The following NCKAP1 variants were observed in gnomAD, a reference collection of about 807,000 sequenced individuals.
NCKAP1 encodes nck-associated protein 1.
A neutral mutation model predicts 151.2 loss-of-function variants in NCKAP1; 21 were observed. That is an observed-to-expected ratio of 0.14 (90% CI 0.10 to 0.20). The LOEUF is 0.20. Ranked by LOEUF, NCKAP1 falls within the 10% of genes least tolerant of loss-of-function variation. The pLI, the probability that NCKAP1 is intolerant of heterozygous loss-of-function variation, is 1.00. For missense variants in NCKAP1, 933 were observed against 1,352.1 expected (o/e 0.69, Z 4.86); for synonymous variants, 484 against 451.8 (o/e 1.07, Z -0.90).
intron 6 of NCKAP1, among the ~76,000 whole-genome samples, chr2:182,998,815 T>G: frequency 9.2e-6 from 1 of 108,990 alleles, no homozygotes. Context: ...CCAGCCTGGG[T>G]GACAGAGTAA....
chr2:182,928,146 T>C lies in NCKAP1; in HGVS notation c.3151A>G (p.Ile1051Val). The C allele has an allele frequency of 6.2e-7, 1 of 1,611,468 alleles. No individual in the cohort carries two copies. The highest frequency in any genetic ancestry group is 8.5e-7 in the Non-Finnish European group (1 of 1,177,966). The change falls in exon 29 of 31, where the codon ATT (isoleucine) becomes GTT (valine). Residue 1051 changes from isoleucine to valine, a missense_variant. Ile to Val is a conservative substitution (Grantham distance 29). This residue lies in a region of NCKAP1 where 326 missense variants were observed against 557.1 expected (regional missense o/e 0.59). Transcript: ENST00000361354. ...AGAAATTCTTTAAGACGGTCTTCAA[T>C]GCTTCCTTTGTGAATTGTAAACAAA... The part of the protein sequence containing the change: ...AALFTIHKGS[I>V]EDRLKEFLAL...
intron 15 of NCKAP1, among the ~76,000 whole-genome samples, chr2:182,974,726 A>G (rs754953419): frequency 3.9e-5 from 6 of 152,144 alleles, no homozygotes; most frequent in Non-Finnish European, 8.8e-5. Flanking sequence ...CAGCCTTCAG[A>G]ACTATGAAAT....
intron 23 of NCKAP1, among the ~76,000 whole-genome samples, chr2:182,949,226 C>G (rs1229480644): frequency 1.3e-5 from 2 of 152,156 alleles, no homozygotes; most frequent in African/African-American, 4.8e-5. Flanking sequence ...AAAAATGCAA[C>G]ATGTGCTCCT....
chr2:183,022,422 T>C (rs1333186346), intron 2 of NCKAP1, among the ~76,000 whole-genome samples: 2 of 152,184 alleles, frequency 1.3e-5, no homozygotes, highest in African/African-American at 4.8e-5. Flanking sequence ...TGTTAAGAAG[T>C]GCAAGTTTTG....
intron 17 of NCKAP1, among the ~76,000 whole-genome samples, chr2:182,962,823 G>GAA (rs75963920): frequency 1.5e-4 from 18 of 119,606 alleles, no homozygotes; most frequent in East Asian, 5.2e-4. Flanking sequence ...CTCCCAGGAA[G>GAA]AAAAAAAAAA....
rs1266408530 is a variant in NCKAP1 at position 182,921,214 on chromosome 2, T to C, written c.*4488A>G. 6.6e-6 allele frequency: 1 copy of C among 152,254 alleles called. No individual in the cohort carries two copies. Among genetic ancestry groups the C allele is most frequent in the Non-Finnish European group, 1.5e-5 (1 of 68,042 alleles). 9.4% of individuals were successfully genotyped at this position (152,254 alleles called of 1,614,324 possible). On this transcript the variant is annotated 3_prime_UTR_variant, in exon 31 of 31. Coordinates refer to ENST00000361354, the MANE Select transcript of NCKAP1 (RefSeq NM_013436.5). ...GCACCTGATACTGCTGAGAAATTAA[T>C]GACTCTGCACTGCATTAAATTTAAA...
At chr2:182,935,529 G>T in intron 24 of NCKAP1, 154 bp from the exon 25 acceptor site, 1 of 505,936 alleles carries the variant, frequency 2.0e-6, no homozygotes. Flanking sequence ...TGATTAAAGA[G>T]AGAAAGATGT....
In NCKAP1 at chr2:182,952,608, C is replaced by A. The variant is rs566127732; in HGVS notation, c.2504-106G>T. On this transcript the variant is annotated intron_variant, in intron 22 of 30. Coordinates refer to ENST00000361354, the MANE Select transcript of NCKAP1 (RefSeq NM_013436.5). ...TCATTATAAAAACTAATGTAAAATC[C>A]TGATAAAAGTCTCTAGAGTGAAAGA... 5.1e-4 allele frequency: 570 copies of A among 1,115,084 alleles called. No homozygotes were observed. Among genetic ancestry groups the A allele is most frequent in the Admixed American group, 8.6e-4 (31 of 36,208 alleles). 69.1% of individuals were successfully genotyped at this position (1,115,084 alleles called of 1,614,324 possible). A position where few individuals can be genotyped will look rare whatever the true frequency, so the allele number is the denominator to read the frequency against.
At chr2:182,948,697 A>T (rs918819006) in intron 23 of NCKAP1, among the ~76,000 whole-genome samples, 1 of 152,206 alleles carries the variant, frequency 6.6e-6, no homozygotes, top group African/African-American at 2.4e-5. Flanking sequence ...AGGTCTAAAA[A>T]TTTCACAAAA....
rs1047650010 is a variant in NCKAP1 at position 182,917,543 on chromosome 2, A to G, written c.*8159T>C. Reference sequence around the variant, plus strand: ...ATCATTGATACATAATAGGTTGCCCATTCAAGAATTAGCTATTATCTTGAA... The same window carrying G: ...ATCATTGATACATAATAGGTTGCCCGTTCAAGAATTAGCTATTATCTTGAA... On this transcript the variant is annotated 3_prime_UTR_variant, in exon 31 of 31. Coordinates refer to ENST00000361354, the MANE Select transcript of NCKAP1 (RefSeq NM_013436.5). 3 of 152,216 alleles carry G rather than the reference A, an allele frequency of 2.0e-5. No homozygotes were observed. The highest frequency in any genetic ancestry group is 7.2e-5 in the African/African-American group (3 of 41,458). The allele number at this position is 152,216 out of a possible 1,614,324, so 9.4% of individuals were successfully genotyped here.
In NCKAP1 at chr2:182,917,386, T is replaced by G. The variant is rs531347997; in HGVS notation, c.*8316A>C. 2.0e-5 allele frequency: 3 copies of G among 152,134 alleles called. No homozygotes were observed. Among genetic ancestry groups the G allele is most frequent in the African/African-American group, 4.8e-5 (2 of 41,436 alleles). The allele number at this position is 152,134 out of a possible 1,614,324, so 9.4% of individuals were successfully genotyped here. ...GCATATATGCGGCAACACAGCACAGTGGAAGGAACACTATATGAGCACATC... is the reference window on the plus strand; with the variant it reads ...GCATATATGCGGCAACACAGCACAGGGGAAGGAACACTATATGAGCACATC... On this transcript the variant is annotated 3_prime_UTR_variant, in exon 31 of 31. Transcript: ENST00000361354.
chr2:183,012,622 T>C (rs1179419687), intron 2 of NCKAP1, among the ~76,000 whole-genome samples: 2 of 132,406 alleles, frequency 1.5e-5, no homozygotes, highest in Non-Finnish European at 3.3e-5. Flanking sequence ...CCCTTACGCC[T>C]TTTTTTTTTT....
chr2:183,034,499 A>G (rs772591971), intron 1 of NCKAP1, among the ~76,000 whole-genome samples: 1 of 152,072 alleles, frequency 6.6e-6, no homozygotes, highest in Non-Finnish European at 1.5e-5. Flanking sequence ...CATGTTGGTA[A>G]TGGTGGAGGA....
At chr2:183,033,327 G>GT (rs1699041849) in intron 1 of NCKAP1, among the ~76,000 whole-genome samples, 1 of 152,218 alleles carries the variant, frequency 6.6e-6, no homozygotes, top group Non-Finnish European at 1.5e-5. Flanking sequence ...ATCTGAAATA[G>GT]TAACTAGTTA....
chr2:183,021,256 G>T (rs1188613102), intron 2 of NCKAP1, among the ~76,000 whole-genome samples: 1 of 152,096 alleles, frequency 6.6e-6, no homozygotes, highest in East Asian at 1.9e-4. Context: ...ATCAACTCAT[G>T]AATGAATAAA....
At chr2:182,952,757 T>C (rs756421831) in intron 22 of NCKAP1, 36 bp downstream of exon 22, 28 of 1,528,482 alleles carry the variant, frequency 1.8e-5, no homozygotes, top group Non-Finnish European at 2.4e-5. Flanking sequence ...AATTAAGTGT[T>C]CTTCATTCTC....
In NCKAP1 at chr2:182,913,419, A is replaced by C. The variant is rs1030693443; in HGVS notation, c.*12283T>G. On this transcript the variant is annotated 3_prime_UTR_variant, in exon 31 of 31. Transcript: ENST00000361354. ...TAGATTAATGGATTGATGGGCTATC[A>C]AGGGAGTGGGTTAGTTACCACAAAA... The C allele has an allele frequency of 3.3e-5, 5 of 152,336 alleles. No homozygotes were observed. The highest frequency in any genetic ancestry group is 3.4e-3 in the Middle Eastern group (1 of 294). The allele number at this position is 152,336 out of a possible 1,614,324, so 9.4% of individuals were successfully genotyped here. A position where few individuals can be genotyped will look rare whatever the true frequency, so the allele number is the denominator to read the frequency against.
rs1696493965 is a variant in NCKAP1 at position 182,918,031 on chromosome 2, C to T, written c.*7671G>A. On this transcript the variant is annotated 3_prime_UTR_variant, in exon 31 of 31. Transcript: ENST00000361354. ...CATGATACAGTAGAAAAAATATGGG[C>T]TGGAAATCCTAGAGCCTTAGGTTTT... is the stretch of plus-strand genomic sequence containing the variant. The T allele has an allele frequency of 6.6e-6, 1 of 152,122 alleles. No homozygotes were observed. The highest frequency in any genetic ancestry group is 1.5e-5 in the Non-Finnish European group (1 of 68,000). The allele number at this position is 152,122 out of a possible 1,614,324, so 9.4% of individuals were successfully genotyped here.
chr2:183,026,767 G>C (rs1575072446), intron 1 of NCKAP1, among the ~76,000 whole-genome samples: 1 of 152,092 alleles, frequency 6.6e-6, no homozygotes, highest in East Asian at 1.9e-4. Context: ...TACCTCACAG[G>C]GTTATTATAA....
Sources: allele counts gnomAD v4.1 joint callset (sites outside exome capture counted in the v4.1 genomes callset), GRCh38; gene constraint gnomAD v4.1.1; regional missense constraint gnomAD v4.1.1; transcripts MANE v1.5; gene names NCBI Gene and HGNC (gene_info 2026-07-23, HGNC 2026-07-21).